The following SDCCAG8 variants were observed in gnomAD, a reference collection of about 807,000 sequenced individuals.
The protein encoded by SDCCAG8 is serologically defined colon cancer antigen 8.
In SDCCAG8, 74 loss-of-function variants were observed where a neutral mutation model predicts 101.8. The ratio of observed to expected loss-of-function variants is 0.73; its 90% CI spans 0.60 to 0.88. The LOEUF is 0.88. SDCCAG8 is among the 40% of genes least tolerant of loss of function. The pLI, the probability that SDCCAG8 is intolerant of heterozygous loss-of-function variation, is 0.00. For synonymous variants in SDCCAG8, 281 were observed against 292.9 expected, an observed-to-expected ratio of 0.96 and a Z score of 0.41; for missense variants, 787 against 822.6, an observed-to-expected ratio of 0.96 and a Z score of 0.53.
At chr1:243,420,359 C>T (rs761104921) in intron 15 of SDCCAG8, among the ~76,000 whole-genome samples, 3 of 152,192 alleles carry the variant, frequency 2.0e-5, no homozygotes, top group African/African-American at 4.8e-5. Context: ...CATAGTAATA[C>T]ACAGTAGCTG....
At chr1:243,286,426 A>C (rs1231394261) in intron 5 of SDCCAG8, 29 bp downstream of exon 5, 1 of 1,612,414 alleles carries the variant, frequency 6.2e-7, no homozygotes, top group South Asian at 1.1e-5. Context: ...CATAAATTTT[A>C]TTTTAGTGTG....
intron 17 of SDCCAG8, among the ~76,000 whole-genome samples, chr1:243,497,301 C>T (rs867920591): frequency 7.6e-4 from 103 of 135,838 alleles, no homozygotes; most frequent in African/African-American, 2.6e-3. Flanking sequence ...GCTGACTGAA[C>T]GCTCACCATG....
intron 4 of SDCCAG8, among the ~76,000 whole-genome samples, chr1:243,278,771 A>C (rs984316764): frequency 2.0e-5 from 3 of 151,810 alleles, no homozygotes; most frequent in African/African-American, 7.3e-5. Flanking sequence ...GTGTTTTTTA[A>C]ATTTTTCATT....
intron 12 of SDCCAG8, among the ~76,000 whole-genome samples, chr1:243,350,020 G>C (rs1447747348): frequency 1.3e-5 from 2 of 152,092 alleles, no homozygotes; most frequent in Non-Finnish European, 2.9e-5. Flanking sequence ...AAGGATTTGA[G>C]GGTTGCTCAT....
At chr1:243,466,843 G>A (rs10927024) in intron 16 of SDCCAG8, among the ~76,000 whole-genome samples, 20,064 of 152,214 alleles carry the variant, frequency 0.13, 1,363 homozygotes, top group Non-Finnish European at 0.14. Context: ...CAATACTTCT[G>A]TTTTTGCGGT....
In SDCCAG8 at chr1:243,304,579, A is replaced by G. The variant is rs181979731; in HGVS notation, c.676-134A>G. On this transcript the variant is annotated intron_variant, in intron 6 of 17. Transcript: ENST00000366541. ...AGAAAAATTCAAGTGGACTAGGGAAAATATTTTCTAAGAAGACATGTTTCC... is the reference window on the plus strand; with the variant it reads ...AGAAAAATTCAAGTGGACTAGGGAAGATATTTTCTAAGAAGACATGTTTCC... 2.4e-4 allele frequency: 150 copies of G among 628,620 alleles called. 1 individual carries two copies. The East Asian group carries it at 4.0e-3, about 17-fold the overall frequency. The allele number at this position is 628,620 out of a possible 1,614,324, so 38.9% of individuals were successfully genotyped here. A position where few individuals can be genotyped will look rare whatever the true frequency, so the allele number is the denominator to read the frequency against.
At chr1:243,453,067 G>C (rs2083482603) in intron 16 of SDCCAG8, among the ~76,000 whole-genome samples, 1 of 152,214 alleles carries the variant, frequency 6.6e-6, no homozygotes, top group South Asian at 2.1e-4. Context: ...TGAATGATTA[G>C]GCATTGTGAA....
chr1:243,408,889 A>T (rs1346176362), intron 13 of SDCCAG8, among the ~76,000 whole-genome samples: 1 of 152,220 alleles, frequency 6.6e-6, no homozygotes, highest in South Asian at 2.1e-4. Flanking sequence ...TAAAAGGATT[A>T]GTCCTTTAAG....
intron 17 of SDCCAG8, among the ~76,000 whole-genome samples, chr1:243,497,333 C>T (rs1190163674): frequency 8.4e-4 from 4 of 4,780 alleles, no homozygotes; most frequent in African/African-American, 2.3e-3. Context: ...GCTGTAGGCA[C>T]GGGTGGGGGG....
chr1:243,329,016 G>A (rs1420204558), intron 9 of SDCCAG8, among the ~76,000 whole-genome samples: 1 of 152,188 alleles, frequency 6.6e-6, no homozygotes, highest in African/African-American at 2.4e-5. Flanking sequence ...TGATATCAGG[G>A]AGAGTTATGA....
chr1:243,478,456 G>A (rs1261835953), intron 16 of SDCCAG8, among the ~76,000 whole-genome samples: 1 of 152,150 alleles, frequency 6.6e-6, no homozygotes, highest in East Asian at 1.9e-4. Flanking sequence ...TCACTTGGGG[G>A]CATCCCCAAG....
chr1:243,363,817 G>A (rs2076851809), intron 12 of SDCCAG8, among the ~76,000 whole-genome samples: 2 of 152,192 alleles, frequency 1.3e-5, no homozygotes, highest in African/African-American at 4.8e-5. Context: ...CATAGGAATA[G>A]AATGGATTGT....
At chr1:243,365,678 T>G (rs1333183516) in intron 12 of SDCCAG8, among the ~76,000 whole-genome samples, 2 of 152,168 alleles carry the variant, frequency 1.3e-5, no homozygotes, top group African/African-American at 4.8e-5. Context: ...ACAATAATTT[T>G]TAGTAGCAGA....
At chr1:243,282,165 T>G (rs180977277) in intron 4 of SDCCAG8, among the ~76,000 whole-genome samples, 1 of 151,982 alleles carries the variant, frequency 6.6e-6, no homozygotes, top group Non-Finnish European at 1.5e-5. Flanking sequence ...TATGATTGCA[T>G]TTTTTTCCAA....
intron 16 of SDCCAG8, among the ~76,000 whole-genome samples, chr1:243,481,183 AG>A (rs1184643786): frequency 6.6e-6 from 1 of 152,098 alleles, no homozygotes; most frequent in Non-Finnish European, 1.5e-5. Context: ...GAACATTTCC[AG>A]TCAGGAGAGC....
At chr1:243,412,558 G>A (rs971300880) in intron 13 of SDCCAG8, among the ~76,000 whole-genome samples, 2 of 152,050 alleles carry the variant, frequency 1.3e-5, no homozygotes, top group African/African-American at 4.8e-5. Context: ...AAAACATTAT[G>A]AGATTTTTTT....
intron 10 of SDCCAG8, among the ~76,000 whole-genome samples, chr1:243,335,469 G>A (rs959153551): frequency 6.6e-6 from 1 of 152,144 alleles, no homozygotes; most frequent in East Asian, 1.9e-4. Context: ...GTAGAAGTAT[G>A]TTGATGAGAA....
intron 13 of SDCCAG8, among the ~76,000 whole-genome samples, chr1:243,412,575 ATTTTC>A (rs1429307137): frequency 2.6e-5 from 4 of 151,152 alleles, no homozygotes; most frequent in Admixed American, 1.3e-4. Flanking sequence ...TTTTTGTGTG[ATTTTC>A]TTTTCTTTTC....
intron 1 of SDCCAG8, among the ~76,000 whole-genome samples, chr1:243,268,681 A>G (rs898862320): frequency 6.6e-6 from 1 of 152,176 alleles, no homozygotes; most frequent in African/African-American, 2.4e-5. Context: ...TATAACAGAG[A>G]CTTTTTTTTT....
Sources: allele counts gnomAD v4.1 joint callset (sites outside exome capture counted in the v4.1 genomes callset), GRCh38; gene constraint gnomAD v4.1.1; transcripts MANE v1.5; gene names NCBI Gene and HGNC (gene_info 2026-07-23, HGNC 2026-07-21).